The following NOD1 variants were observed in gnomAD, a reference collection of about 807,000 sequenced individuals.
NOD1 encodes nucleotide binding oligomerization domain containing 1, also known as nucleotide-binding oligomerization domain-containing protein 1.
NOD1 carries 70 observed loss-of-function variants against 81.2 expected under a neutral mutation model. The ratio of observed to expected loss-of-function variants is 0.86; its 90% CI spans 0.71 to 1.05. The LOEUF is 1.05. Ranked by LOEUF, NOD1 falls within the 50% of genes least tolerant of loss-of-function variation. NOD1 has a pLI of 0.00. For synonymous variants in NOD1, 508 were observed against 526.9 expected, an observed-to-expected ratio of 0.96 and a Z score of 0.49; for missense variants, 1,233 against 1,228.0, an observed-to-expected ratio of 1.00 and a Z score of -0.06.
chr7:30,462,565 A>T (rs902432870), intron 1 of NOD1, among the ~76,000 whole-genome samples: 1 of 152,166 alleles, frequency 6.6e-6, no homozygotes, highest in Non-Finnish European at 1.5e-5. Flanking sequence ...ATACAGTAGA[A>T]CACAATTCAA....
At chr7:30,437,781 G>A in intron 9 of NOD1, 125 bp from the exon 10 acceptor site, 1 of 636,242 alleles carries the variant, frequency 1.6e-6, no homozygotes. Flanking sequence ...CCCAGTCCCT[G>A]GATCTGTGGC....
At chr7:30,427,166 A>G (rs1783528477) in intron 13 of NOD1, among the ~76,000 whole-genome samples, 1 of 152,202 alleles carries the variant, frequency 6.6e-6, no homozygotes, top group South Asian at 2.1e-4. Context: ...ACCTTGACTC[A>G]GGCCCCACCC....
chr7:30,464,674 G>A (rs1787504685), intron 1 of NOD1, among the ~76,000 whole-genome samples: 1 of 152,208 alleles, frequency 6.6e-6, no homozygotes, highest in African/African-American at 2.4e-5. Flanking sequence ...ATTTTAGGCT[G>A]TGGGGAACAG....
At chr7:30,458,953 T>A (rs760865767) in intron 3 of NOD1, among the ~76,000 whole-genome samples, 199 bp downstream of exon 3, 4 of 152,108 alleles carry the variant, frequency 2.6e-5, no homozygotes, top group Non-Finnish European at 4.4e-5. Flanking sequence ...GCCAAGCTGG[T>A]CTTGAACTCC....
At chr7:30,438,369 T>C (rs973540434) in intron 9 of NOD1, among the ~76,000 whole-genome samples, 1 of 152,222 alleles carries the variant, frequency 6.6e-6, no homozygotes, top group African/African-American at 2.4e-5. Flanking sequence ...ATGTAGTCTC[T>C]TGGACCTCAG....
At chr7:30,434,894 T>C (rs939017733) in intron 11 of NOD1, among the ~76,000 whole-genome samples, 4 of 152,020 alleles carry the variant, frequency 2.6e-5, no homozygotes, top group Non-Finnish European at 5.9e-5. Flanking sequence ...GAGTAGATGA[T>C]AGGGAGGGTT....
At position 30,452,055 on chromosome 7, in the gene NOD1, G is replaced by C. The variant is rs145004682; in HGVS notation, c.1362C>G (p.His454Gln). 1,311 of 1,613,566 alleles carry C rather than the reference G, an allele frequency of 8.1e-4. 2 individuals carry two copies. Among genetic ancestry groups the C allele is most frequent in the Non-Finnish European group, 1.0e-3 (1,229 of 1,179,986 alleles). ...GCGAGCACAGAGTGTCCCGGCCGGC[G>C]TGGAGGGTCTCCACTGGGCTGCGTG... is the stretch of plus-strand genomic sequence containing the variant. ...RNTRSPVETL[H>Q]AGRDTLCSLG... The change falls in exon 6 of 14, where the codon CAC becomes CAG. Residue 454 changes from histidine to glutamine, a missense_variant. Coordinates refer to ENST00000222823, the MANE Select transcript of NOD1 (RefSeq NM_006092.4).
chr7:30,464,188 G>A (rs1024226066), intron 1 of NOD1: 4 of 152,266 alleles, frequency 2.6e-5, no homozygotes, highest in Admixed American at 2.0e-4. Flanking sequence ...GAGGCTCAAA[G>A]ATAATGGCAA....
intron 3 of NOD1, among the ~76,000 whole-genome samples, chr7:30,458,013 G>A (rs941161973): frequency 5.3e-5 from 8 of 152,104 alleles, no homozygotes; most frequent in African/African-American, 9.7e-5. Flanking sequence ...AGGGAGAGCC[G>A]GCACAGAGTT....
intron 13 of NOD1, among the ~76,000 whole-genome samples, chr7:30,427,013 C>CTT (rs1783517885): frequency 6.6e-6 from 1 of 152,154 alleles, no homozygotes. Context: ...ATGATTTTTT[C>CTT]TTTAATGTGC....
intron 1 of NOD1, among the ~76,000 whole-genome samples, chr7:30,461,344 C>T (rs1272946656): frequency 6.6e-6 from 1 of 151,862 alleles, no homozygotes; most frequent in Non-Finnish European, 1.5e-5. Context: ...TGCCTGGCTA[C>T]TTTTTGTATT....
intron 11 of NOD1, among the ~76,000 whole-genome samples, chr7:30,435,075 G>T (rs1394873724): frequency 6.6e-6 from 1 of 152,032 alleles, no homozygotes; most frequent in Non-Finnish European, 1.5e-5. Flanking sequence ...CCAGCCACCT[G>T]TATGGAATTT....
intron 13 of NOD1, among the ~76,000 whole-genome samples, chr7:30,427,106 A>T (rs1783524670): frequency 6.6e-6 from 1 of 152,122 alleles, no homozygotes; most frequent in East Asian, 1.9e-4. Flanking sequence ...CTGATGCTCA[A>T]GCGTTTCGTT....
At chr7:30,447,619 T>A (rs1172720081) in intron 7 of NOD1, 1 of 158,184 alleles carries the variant, frequency 6.3e-6, no homozygotes, top group East Asian at 1.9e-4. Flanking sequence ...GTCCATGTCC[T>A]CATTAACATC....
rs201910425 is a variant in NOD1 at position 30,452,987 on chromosome 7, C to A, written c.430G>T (p.Val144Leu). 46 of 1,613,866 alleles carry A rather than the reference C, an allele frequency of 2.9e-5. No homozygotes were observed. Among genetic ancestry groups the A allele is most frequent in the Non-Finnish European group, 3.7e-5 (44 of 1,180,002 alleles). Residue 144 changes from valine to leucine, a missense_variant, in exon 6 of 14, where the codon GTG becomes TTG. Val to Leu is a conservative substitution (Grantham distance 32, BLOSUM62 1). Coordinates refer to ENST00000222823, the MANE Select transcript of NOD1 (RefSeq NM_006092.4). The stretch of plus-strand genomic sequence containing the variant: ...TCCTCCTTCTGGGCATAGCACAGCA[C>A]GAACTTGGAGTCACGGCCCAGATGG... ...RHHLGRDSKFVLCYAQKEELL... is the reference protein window; with the variant it reads ...RHHLGRDSKFLLCYAQKEELL...
intron 9 of NOD1, among the ~76,000 whole-genome samples, chr7:30,445,793 G>A (rs1398760965): frequency 7.2e-6 from 1 of 139,122 alleles, no homozygotes; most frequent in Non-Finnish European, 1.5e-5. Context: ...AGGAAATCCT[G>A]TCCCATGCTT....
At chr7:30,475,213 T>C (rs1562724890) in intron 1 of NOD1, among the ~76,000 whole-genome samples, 1 of 152,244 alleles carries the variant, frequency 6.6e-6, no homozygotes, top group Non-Finnish European at 1.5e-5. Flanking sequence ...CCCAGTTGCA[T>C]GTGGCTCTGA....
At chr7:30,462,242 A>C (rs1001176918) in intron 1 of NOD1, among the ~76,000 whole-genome samples, 29 of 152,244 alleles carry the variant, frequency 1.9e-4, no homozygotes, top group African/African-American at 7.0e-4. Context: ...AGAGTAAGAT[A>C]CAAAAATGCT....
rs1356491978 is a variant in NOD1 at position 30,451,482 on chromosome 7, C to G, written c.1935G>C (p.Gln645His). The stretch of plus-strand genomic sequence containing the variant: ...AGATGAACGTGGGCATGGCCTGCAC[C>G]TGGTTGAAGCTTTCGACCTGAACGC... ...LPRVQVESFN[Q>H]VQAMPTFIWM... Residue 645 changes from glutamine to histidine, a missense_variant, in exon 6 of 14, where the codon CAG (glutamine) becomes CAC (histidine). Transcript: ENST00000222823. The surrounding 1 kb of genome is among the most constrained non-coding windows in gnomAD (Gnocchi z 4.2). 6.2e-7 allele frequency: 1 copy of G among 1,613,162 alleles called. No homozygotes were observed. Among genetic ancestry groups the G allele is most frequent in the African/African-American group, 1.3e-5 (1 of 74,946 alleles).
Sources: allele counts gnomAD v4.1 joint callset (sites outside exome capture counted in the v4.1 genomes callset), GRCh38; gene constraint gnomAD v4.1.1; non-coding constraint Gnocchi (gnomAD v3.1); transcripts MANE v1.5; gene names NCBI Gene and HGNC (gene_info 2026-07-23, HGNC 2026-07-21).